The following WDR19 variants were observed in gnomAD, a reference collection of about 807,000 sequenced individuals.
WDR19 encodes WD repeat domain 19.
WDR19 carries 121 observed loss-of-function variants against 180.0 expected under a neutral mutation model. That is an observed-to-expected ratio of 0.67 (90% CI 0.58 to 0.78). The LOEUF is 0.78. Ranked by LOEUF, WDR19 falls within the 30% of genes least tolerant of loss-of-function variation. WDR19 has a pLI of 0.00. For synonymous variants in WDR19, 497 were observed against 540.7 expected, an observed-to-expected ratio of 0.92 and a Z score of 1.12; for missense variants, 1,450 against 1,640.7, an observed-to-expected ratio of 0.88 and a Z score of 2.01.
chr4:39,215,767 A>G, intron 10 of WDR19, 74 bp from the exon 11 acceptor site: 1 of 1,430,652 alleles, frequency 7.0e-7, no homozygotes, highest in Non-Finnish European at 9.4e-7. Flanking sequence ...TGGTAGCTTA[A>G]ATGAAAATAT....
chr4:39,248,060 A>C (rs191205572), intron 24 of WDR19, among the ~76,000 whole-genome samples: 1 of 152,130 alleles, frequency 6.6e-6, no homozygotes, highest in Non-Finnish European at 1.5e-5. Context: ...TGTCAGATTC[A>C]CCAGTTGAAA....
At chr4:39,241,010 T>C (rs1731891032) in intron 21 of WDR19, among the ~76,000 whole-genome samples, 1 of 151,652 alleles carries the variant, frequency 6.6e-6, no homozygotes. Flanking sequence ...TTCCAATCCG[T>C]AAAACTTCAT....
rs116707102 is a variant in WDR19 at position 39,263,587 on chromosome 4, C to T, written c.3184-2476C>T. 4.8e-3 allele frequency among the ~76,000 whole-genome samples: 731 copies of T among 152,152 alleles called. 7 individuals carry two copies. Among genetic ancestry groups the T allele is most frequent in the African/African-American group, 0.017 (701 of 41,518 alleles). On this transcript the variant is annotated intron_variant, in intron 28 of 36. Coordinates refer to ENST00000399820, the MANE Select transcript of WDR19 (RefSeq NM_025132.4). ...TGTCTGTCCTGACACTTCAAGTGTG[C>T]TCCACTCTCCCTGGGGGCAGCTGCC...
Position 39,199,348 on chromosome 4 carries a change from G to A in WDR19, c.407-130G>A, listed in dbSNP as rs145269825. 2.2e-4 allele frequency: 146 copies of A among 667,810 alleles called. No individual in the cohort carries two copies. In the East Asian group the frequency reaches 3.6e-3, roughly 16 times the overall value. The allele number at this position is 667,810 out of a possible 1,614,324, so 41.4% of individuals were successfully genotyped here. A position where few individuals can be genotyped will look rare whatever the true frequency, so the allele number is the denominator to read the frequency against. ...AATAAACTGTTTTAAATAAGGTTGC[G>A]TAGACATTAACTGCTTTGATGAAAT... On this transcript the variant is annotated intron_variant, in intron 5 of 36. Coordinates refer to ENST00000399820, the MANE Select transcript of WDR19 (RefSeq NM_025132.4).
rs2167494 is a variant in WDR19, at chr4:39,214,601, C to T, written c.891C>T (p.Cys297=). 441,780 of 1,509,908 alleles carry T rather than the reference C, an allele frequency of 0.29. 66,124 individuals are homozygous for T. The highest frequency in any genetic ancestry group is 0.31 in the Middle Eastern group (1,796 of 5,704). 93.5% of individuals were successfully genotyped at this position (1,509,908 alleles called of 1,614,324 possible). Residue 297 remains cysteine, a splice_region_variant and synonymous_variant, in exon 10 of 37, where the codon TGC becomes TGT. Transcript: ENST00000399820. ...TTAATAATGCATTTTTGTTTTTCAG[C>T]ATTAAAATCCAAGACTTGGTTGACT... The part of the protein sequence containing the change: ...LNKVATCGDN[C]IKIQDLVDLK...
At chr4:39,207,059 T>G (rs887949801) in intron 9 of WDR19, among the ~76,000 whole-genome samples, 1 of 152,206 alleles carries the variant, frequency 6.6e-6, no homozygotes, top group African/African-American at 2.4e-5. Flanking sequence ...ATTATGCAGA[T>G]AGCAGATATA....
intron 2 of WDR19, 97 bp downstream of exon 2, chr4:39,185,914 T>C: frequency 2.8e-6 from 3 of 1,069,548 alleles, no homozygotes; most frequent in Non-Finnish European, 3.9e-6. Flanking sequence ...TTTTTTTTTT[T>C]AAATGGAGTC....
chr4:39,284,502 CTT>C lies in WDR19; in HGVS notation c.*14-976_*14-975del, dbSNP rs34086720. ...TACAGGCATGTGCCACCATACCCAG[CTT>C]TTTTTTTTCTTTTTTTTAGACATGG... On this transcript the variant is annotated intron_variant, in intron 36 of 36. Transcript: ENST00000399820. Among the ~76,000 whole-genome samples, 52 of 146,876 alleles carry C rather than the reference CTT, an allele frequency of 3.5e-4. No homozygotes were observed. In the East Asian group the frequency reaches 6.8e-3, roughly 19 times the overall value.
chr4:39,276,454 G>C (rs1735903563), intron 33 of WDR19, among the ~76,000 whole-genome samples: 1 of 152,128 alleles, frequency 6.6e-6, no homozygotes, highest in Non-Finnish European at 1.5e-5. Context: ...ATGGTTTATA[G>C]CTATGTGGTC....
intron 15 of WDR19, 42 bp downstream of exon 15, chr4:39,225,075 AATATAGGGAAAAAAAGTGTTTAAAGCCT>A: frequency 6.9e-7 from 1 of 1,447,738 alleles, no homozygotes; most frequent in African/African-American, 1.5e-5. Flanking sequence ...TTTGAAATGC[AATATAGGGAAAAAAAGTGTTTAAAGCCT>A]ATCTCATGTA....
At chr4:39,246,114 T>G (rs1286275273) in intron 24 of WDR19, among the ~76,000 whole-genome samples, 1 of 152,208 alleles carries the variant, frequency 6.6e-6, no homozygotes, top group South Asian at 2.1e-4. Flanking sequence ...ACCTCACTAA[T>G]AGTAATTAAA....
In WDR19 at chr4:39,205,517, A is replaced by G. The variant is rs1452325535; in HGVS notation, c.717-46A>G. The G allele has an allele frequency of 1.9e-6, 3 of 1,570,218 alleles. No individual in the cohort carries two copies. The South Asian group carries it at 3.6e-5, about 19-fold the overall frequency. On this transcript the variant is annotated intron_variant, in intron 8 of 36. Coordinates refer to ENST00000399820, the MANE Select transcript of WDR19 (RefSeq NM_025132.4). ...TTGCTAATTTACCATGTTGCCACTG[A>G]TAGCTAATCTCCTTGTTTACCATAT...
intron 3 of WDR19, among the ~76,000 whole-genome samples, chr4:39,187,658 G>T (rs1725712468): frequency 6.6e-6 from 1 of 152,058 alleles, no homozygotes; most frequent in African/African-American, 2.4e-5. Context: ...TGTATTCCTG[G>T]AAACAGATCA....
At chr4:39,231,287 C>T (rs911553864) in intron 17 of WDR19, among the ~76,000 whole-genome samples, 1 of 148,528 alleles carries the variant, frequency 6.7e-6, no homozygotes, top group African/African-American at 2.5e-5. Context: ...CTCCACCCAC[C>T]CTGGGCAACA....
chr4:39,281,215 G>GTGTGTGTGTGTGTGTATATATATATA (rs1167602972), intron 36 of WDR19, among the ~76,000 whole-genome samples: 12 of 110,132 alleles, frequency 1.1e-4, no homozygotes, highest in African/African-American at 5.1e-4. Context: ...ATGTGTGTGT[G>GTGTGTGTGTGTGTGTATATATATATA]TATATATATA....
intron 5 of WDR19, among the ~76,000 whole-genome samples, chr4:39,198,486 G>A (rs538408470): frequency 1.5e-4 from 23 of 152,156 alleles, no homozygotes; most frequent in African/African-American, 3.4e-4. Context: ...GCATGAACCC[G>A]GGAGGTGGAG....
intron 34 of WDR19, 53 bp from the exon 35 acceptor site, chr4:39,278,078 G>T: frequency 6.9e-7 from 1 of 1,447,682 alleles, no homozygotes; most frequent in South Asian, 1.3e-5. Flanking sequence ...TTGACTAACA[G>T]TGGGAGTTTT....
chr4:39,233,778 C>T (rs1163316220), intron 19 of WDR19, among the ~76,000 whole-genome samples: 1 of 152,146 alleles, frequency 6.6e-6, no homozygotes, highest in East Asian at 1.9e-4. Flanking sequence ...GATTAGTACT[C>T]ACTGAAATAG....
intron 36 of WDR19, among the ~76,000 whole-genome samples, chr4:39,279,103 T>C (rs1578064141): frequency 6.6e-6 from 1 of 152,358 alleles, no homozygotes; most frequent in Admixed American, 6.5e-5. Flanking sequence ...TCCTTCTACT[T>C]CATTCCATTG....
Sources: allele counts gnomAD v4.1 joint callset (sites outside exome capture counted in the v4.1 genomes callset), GRCh38; gene constraint gnomAD v4.1.1; transcripts MANE v1.5; gene names NCBI Gene and HGNC (gene_info 2026-07-23, HGNC 2026-07-21).